Variants in MTMR7 observed in about 807,000 individuals in gnomAD.
MTMR7 encodes the protein phosphatidylinositol-3-phosphate phosphatase MTMR7.
In MTMR7, 76 loss-of-function variants were observed where a neutral mutation model predicts 81.2. The observed-to-expected ratio is 0.94, with a 90% CI of 0.78 to 1.13. The LOEUF (loss-of-function observed/expected upper bound fraction) is 1.13, where lower values mean the gene tolerates loss of function less well. Among genes scored for constraint, MTMR7 ranks in the 50% most tolerant of loss-of-function variants. The pLI, the probability that MTMR7 is intolerant of heterozygous loss-of-function variation, is 0.00. For synonymous variants in MTMR7, 372 were observed against 289.8 expected (o/e 1.28, Z -2.88); for missense variants, 1,044 against 820.0 (o/e 1.27, Z -3.34).
intron 12 of MTMR7, among the ~76,000 whole-genome samples, chr8:17,304,097 T>A (rs893758459): frequency 6.6e-6 from 1 of 152,236 alleles, no homozygotes; most frequent in African/African-American, 2.4e-5. Context: ...ATTATTCTCT[T>A]TCATTTGCTT....
chr8:17,305,647 G>C, intron 11 of MTMR7, 110 bp downstream of exon 11: 2 of 853,466 alleles, frequency 2.3e-6, no homozygotes, highest in Admixed American at 4.8e-5. Context: ...GTCAGTATAG[G>C]TATGTGACTA....
intron 7 of MTMR7, among the ~76,000 whole-genome samples, chr8:17,317,124 T>C (rs1818127954): frequency 1.3e-5 from 2 of 152,344 alleles, no homozygotes; most frequent in East Asian, 3.9e-4. Context: ...ATTTGCTTGC[T>C]TATATGTGTG....
rs964122275 is a variant in MTMR7, at chr8:17,407,516, TA to T, written c.24+5752del. On this transcript the variant is annotated intron_variant, in intron 1 of 13. Coordinates refer to ENST00000180173, the MANE Select transcript of MTMR7 (RefSeq NM_004686.5). ...TTCTAGGGAAGAAATCACATGCAGATAATAATGAGATGTTCATCAGGACATT... is the reference window on the plus strand; with the variant it reads ...TTCTAGGGAAGAAATCACATGCAGATATAATGAGATGTTCATCAGGACATT... 9.1e-4 allele frequency among the ~76,000 whole-genome samples: 138 copies of T among 152,146 alleles called. No individual in the cohort carries two copies. In the Middle Eastern group the frequency reaches 0.017, roughly 19 times the overall value.
chr8:17,328,573 TG>T (rs1237665069), intron 7 of MTMR7, among the ~76,000 whole-genome samples: 3 of 144,814 alleles, frequency 2.1e-5, no homozygotes, highest in Non-Finnish European at 3.0e-5. Context: ...TTGGCGGGGG[TG>T]GGGGAGTGGA....
chr8:17,380,000 G>T (rs1820711605), intron 1 of MTMR7, among the ~76,000 whole-genome samples: 1 of 152,134 alleles, frequency 6.6e-6, no homozygotes, highest in Non-Finnish European at 1.5e-5. Context: ...GAAGAGCTAG[G>T]TAATTAAGGA....
intron 12 of MTMR7, among the ~76,000 whole-genome samples, chr8:17,302,644 C>G (rs1380779390): frequency 2.2e-5 from 3 of 136,358 alleles, no homozygotes; most frequent in African/African-American, 8.1e-5. Context: ...GAATCTTAAA[C>G]TTGCAGCTTT....
chr8:17,362,560 G>C (rs1207435688), intron 3 of MTMR7, among the ~76,000 whole-genome samples: 1 of 152,150 alleles, frequency 6.6e-6, no homozygotes, highest in Non-Finnish European at 1.5e-5. Context: ...CCAGTTACCG[G>C]AGAGTCCAGG....
At chr8:17,309,425 G>C in intron 9 of MTMR7, 99 bp from the exon 10 acceptor site, 1 of 825,584 alleles carries the variant, frequency 1.2e-6, no homozygotes, top group South Asian at 1.4e-5. Context: ...ACTTGCAGAA[G>C]TCCCCATCCT....
chr8:17,336,694 C>A (rs1171948663), intron 6 of MTMR7, among the ~76,000 whole-genome samples: 2 of 152,202 alleles, frequency 1.3e-5, no homozygotes, highest in Non-Finnish European at 2.9e-5. Context: ...AAAGGCCAGG[C>A]GTCACGGAGG....
chr8:17,299,841 T>G lies in MTMR7; in HGVS notation c.*21A>C. The stretch of plus-strand genomic sequence containing the variant: ...AAGTGTTGCTTATGTGTCCTTTACT[T>G]TGGAACTCCAAAGGGAAACTTCAGG... On this transcript the variant is annotated 3_prime_UTR_variant, in exon 14 of 14. Coordinates refer to ENST00000180173, the MANE Select transcript of MTMR7 (RefSeq NM_004686.5). 6.2e-7 allele frequency: 1 copy of G among 1,612,562 alleles called. No individual in the cohort carries two copies. Among genetic ancestry groups the G allele is most frequent in the African/African-American group, 1.3e-5 (1 of 74,992 alleles).
rs371493500 is a variant in MTMR7 at position 17,313,416 on chromosome 8, A to G, written c.866-15T>C. 11 of 1,562,476 alleles carry G rather than the reference A, an allele frequency of 7.0e-6. No homozygotes were observed. Among genetic ancestry groups the G allele is most frequent in the African/African-American group, 2.7e-5 (2 of 73,682 alleles). On this transcript the variant is annotated splice_polypyrimidine_tract_variant and intron_variant, in intron 7 of 13. Transcript: ENST00000180173. ...AAGTTCACACACTGCAAGATAAATC[A>G]TGTTATAAAAGCAAAATTAAGGTAC...
Position 17,340,126 on chromosome 8 carries a change from T to G in MTMR7, c.732+1237A>C, listed in dbSNP as rs148901781. ...ACCATGATGCCCAGCTAATTTTTGTTATTTTTAATAGAGATGAGGTTTCAC... is the reference window on the plus strand; with the variant it reads ...ACCATGATGCCCAGCTAATTTTTGTGATTTTTAATAGAGATGAGGTTTCAC... On this transcript the variant is annotated intron_variant, in intron 6 of 13. Transcript: ENST00000180173. 3.4e-3 allele frequency among the ~76,000 whole-genome samples: 513 copies of G among 152,322 alleles called. 3 individuals carry two copies. Among genetic ancestry groups the G allele is most frequent in the African/African-American group, 0.012 (479 of 41,564 alleles).
In MTMR7 at chr8:17,322,106, A is replaced by G. The variant is rs184085682; in HGVS notation, c.866-8705T>C. On this transcript the variant is annotated intron_variant, in intron 7 of 13. Transcript: ENST00000180173. ...AAACATATACAGCCCTCCCTTGATT[A>G]CCAGCCCAGCACTTGTCTGAGTTCT... is the stretch of plus-strand genomic sequence containing the variant. Among the ~76,000 whole-genome samples the G allele has an allele frequency of 2.7e-3, 404 of 147,936 alleles. 3 individuals carry two copies. Among genetic ancestry groups the G allele is most frequent in the African/African-American group, 9.8e-3 (384 of 39,082 alleles).
intron 4 of MTMR7, among the ~76,000 whole-genome samples, chr8:17,359,779 C>G (rs1221050069): frequency 1.3e-5 from 2 of 152,046 alleles, no homozygotes; most frequent in Non-Finnish European, 2.9e-5. Context: ...ATTATACCAT[C>G]AAGGTATCAA....
At chr8:17,408,895 G>C (rs569740864) in intron 1 of MTMR7, among the ~76,000 whole-genome samples, 1 of 152,078 alleles carries the variant, frequency 6.6e-6, no homozygotes, top group African/African-American at 2.4e-5. Context: ...ACCAGATGGT[G>C]GTGATGTCTG....
chr8:17,364,312 C>CG (rs1820155303), intron 3 of MTMR7, among the ~76,000 whole-genome samples: 2 of 152,016 alleles, frequency 1.3e-5, no homozygotes, highest in South Asian at 2.1e-4. Flanking sequence ...GGATCACAGG[C>CG]GTGAGCCACC....
At chr8:17,374,528 G>A (rs1295122208) in intron 1 of MTMR7, among the ~76,000 whole-genome samples, 1 of 152,176 alleles carries the variant, frequency 6.6e-6, no homozygotes, top group Non-Finnish European at 1.5e-5. Flanking sequence ...GTATGAGGCA[G>A]GAGAATCGCT....
chr8:17,307,008 GCAATGGCAGCAAAAGA>G (rs2150475369), intron 10 of MTMR7, among the ~76,000 whole-genome samples: 1 of 152,272 alleles, frequency 6.6e-6, no homozygotes, highest in East Asian at 1.9e-4. Flanking sequence ...AACACCAAAA[GCAATGGCAGCAAAAGA>G]CAAAATTGAC....
intron 7 of MTMR7, among the ~76,000 whole-genome samples, chr8:17,326,041 T>C (rs1484711968): frequency 6.6e-6 from 1 of 152,218 alleles, no homozygotes; most frequent in Non-Finnish European, 1.5e-5. Flanking sequence ...CTTACATTGC[T>C]TTACAAATAC....
Sources: allele counts gnomAD v4.1 joint callset (sites outside exome capture counted in the v4.1 genomes callset), GRCh38; gene constraint gnomAD v4.1.1; transcripts MANE v1.5; gene names NCBI Gene and HGNC (gene_info 2026-07-23, HGNC 2026-07-21).